The following CDKL3 variants were observed in gnomAD, a reference collection of about 807,000 sequenced individuals.
CDKL3 encodes the protein cyclin-dependent kinase-like 3.
CDKL3 carries 65 observed loss-of-function variants against 69.3 expected under a neutral mutation model. The ratio of observed to expected loss-of-function variants is 0.94; its 90% CI spans 0.77 to 1.15. CDKL3 has a LOEUF of 1.15. Among genes scored for constraint, CDKL3 ranks in the 50% most tolerant of loss-of-function variants. The pLI is 0.00. For missense variants in CDKL3, 652 were observed against 689.2 expected, an observed-to-expected ratio of 0.95 and a Z score of 0.61; for synonymous variants, 202 against 221.6, an observed-to-expected ratio of 0.91 and a Z score of 0.79.
At chr5:134,346,760 T>G (rs765370545) in intron 4 of CDKL3, among the ~76,000 whole-genome samples, 3 of 152,178 alleles carry the variant, frequency 2.0e-5, no homozygotes, top group Non-Finnish European at 4.4e-5. Flanking sequence ...CCTCCCAAAG[T>G]GCTGGGATTA....
At chr5:134,333,980 A>T (rs910427206) in intron 4 of CDKL3, among the ~76,000 whole-genome samples, 2 of 152,096 alleles carry the variant, frequency 1.3e-5, no homozygotes, top group Admixed American at 6.5e-5. Flanking sequence ...TATTGGCTCA[A>T]TTTCAGAACC....
At chr5:134,364,833 G>T (rs1375112973) in intron 2 of CDKL3, among the ~76,000 whole-genome samples, 1 of 149,140 alleles carries the variant, frequency 6.7e-6, no homozygotes, top group African/African-American at 2.5e-5. Context: ...TTGAGATGGA[G>T]TCTCACTCTG....
intron 3 of CDKL3, among the ~76,000 whole-genome samples, chr5:134,354,994 C>G (rs1417295479): frequency 6.6e-6 from 1 of 151,332 alleles, no homozygotes; most frequent in Admixed American, 6.6e-5. Context: ...ATAGCTCATG[C>G]CTATAATCCC....
In CDKL3 at chr5:134,325,721, TA is replaced by T. The variant is rs564057474; in HGVS notation, c.540-3819del. On this transcript the variant is annotated intron_variant, in intron 4 of 12. Coordinates refer to ENST00000265334, the MANE Select transcript of CDKL3 (RefSeq NM_001113575.2). The stretch of plus-strand genomic sequence containing the variant: ...TCTAATAAAGATGACCTTTTGCATT[TA>T]AAAAAAACTCTCAAGCTTTAAGTTA... Among the ~76,000 whole-genome samples, 85 of 151,852 alleles carry T rather than the reference TA, an allele frequency of 5.6e-4. No individual in the cohort carries two copies. In the South Asian group the frequency reaches 6.6e-3, roughly 12 times the overall value.
chr5:134,357,261 C>T (rs1328651885), intron 3 of CDKL3, among the ~76,000 whole-genome samples: 6 of 151,850 alleles, frequency 4.0e-5, no homozygotes, highest in South Asian at 4.2e-4. Flanking sequence ...CTGACCAACA[C>T]GGTGAAACCC....
chr5:134,298,015 C>A (rs112167699), downstream of CDKL3, among the ~76,000 whole-genome samples: 3 of 151,074 alleles, frequency 2.0e-5, no homozygotes, highest in Admixed American at 6.6e-5. Context: ...CTCTCTGCAA[C>A]CTTGGCCTCC....
At chr5:134,304,356 C>A in intron 11 of CDKL3, 49 bp downstream of exon 11, 11 of 1,408,870 alleles carry the variant, frequency 7.8e-6, no homozygotes, top group Non-Finnish European at 1.1e-5. Context: ...ATGAAAAAAT[C>A]TTATAAATGA....
chr5:134,337,244 G>A (rs975240708), intron 4 of CDKL3, among the ~76,000 whole-genome samples: 4 of 152,160 alleles, frequency 2.6e-5, no homozygotes, highest in African/African-American at 9.7e-5. Context: ...GTTCCTCCAG[G>A]TACAGTCACT....
intron 8 of CDKL3, among the ~76,000 whole-genome samples, chr5:134,290,727 G>A (rs974132016): frequency 3.3e-5 from 5 of 151,930 alleles, no homozygotes; most frequent in African/African-American, 1.2e-4. Flanking sequence ...TGTAGAGATG[G>A]GGTCTTGCTA....
At position 134,302,657 on chromosome 5, in the gene CDKL3, G is replaced by A; in HGVS notation, c.1652C>T (p.Ser551Leu). 1 of 1,599,150 alleles carries A rather than the reference G, an allele frequency of 6.3e-7. No homozygotes were observed. Among genetic ancestry groups the A allele is most frequent in the Non-Finnish European group, 8.5e-7 (1 of 1,171,904 alleles). ...VKQIKMLKRESKKTESSKIPT... is the reference protein window; with the variant it reads ...VKQIKMLKRELKKTESSKIPT... Reference sequence around the variant, plus strand: ...TATCTTAGATGACTCTGTTTTCTTTGACTCCCTCTTCAGCATTTTTATCTG... The same window carrying A: ...TATCTTAGATGACTCTGTTTTCTTTAACTCCCTCTTCAGCATTTTTATCTG... Residue 551 changes from serine (S) to leucine (L), a missense_variant, in exon 12 of 13, where the codon TCA (serine) becomes TTA (leucine). Coordinates refer to ENST00000265334, the MANE Select transcript of CDKL3 (RefSeq NM_001113575.2).
At chr5:134,309,273 G>A (rs576020590) in intron 7 of CDKL3, among the ~76,000 whole-genome samples, 8 of 152,114 alleles carry the variant, frequency 5.3e-5, no homozygotes, top group African/African-American at 1.7e-4. Flanking sequence ...GTAGAGACGC[G>A]GTTTCTCCAT....
At chr5:134,332,598 G>A (rs1217116589) in intron 4 of CDKL3, among the ~76,000 whole-genome samples, 2 of 152,116 alleles carry the variant, frequency 1.3e-5, no homozygotes, top group African/African-American at 4.8e-5. Context: ...AAGATCAGAT[G>A]GTTGTAGATG....
intron 6 of CDKL3, among the ~76,000 whole-genome samples, chr5:134,317,880 C>T (rs1199873749): frequency 6.6e-6 from 1 of 151,948 alleles, no homozygotes; most frequent in Non-Finnish European, 1.5e-5. Context: ...TGCATTCTGA[C>T]CTGGGTGAAA....
At chr5:134,324,543 A>G (rs1015017412) in intron 4 of CDKL3, among the ~76,000 whole-genome samples, 27 of 152,344 alleles carry the variant, frequency 1.8e-4, no homozygotes, top group African/African-American at 6.3e-4. Flanking sequence ...AAGATACCAA[A>G]AAAAAAGGAG....
chr5:134,306,906 C>T (rs977735588), intron 9 of CDKL3, among the ~76,000 whole-genome samples: 11 of 152,102 alleles, frequency 7.2e-5, no homozygotes, highest in African/African-American at 2.7e-4. Flanking sequence ...TGGTGTGCTC[C>T]AACATGCCCA....
chr5:134,327,746 A>G (rs1223953396), intron 4 of CDKL3, among the ~76,000 whole-genome samples: 1 of 152,264 alleles, frequency 6.6e-6, no homozygotes, highest in Non-Finnish European at 1.5e-5. Context: ...AACAGTTTGT[A>G]GAGCTATTTA....
intron 4 of CDKL3, among the ~76,000 whole-genome samples, chr5:134,337,322 G>A (rs192242789): frequency 1.7e-3 from 254 of 152,258 alleles, no homozygotes; most frequent in Non-Finnish European, 2.6e-3. Context: ...GTGAGGCGAC[G>A]CCCCTCCCTG....
chr5:134,317,508 C>G (rs1202679663), intron 6 of CDKL3, among the ~76,000 whole-genome samples: 1 of 151,926 alleles, frequency 6.6e-6, no homozygotes, highest in East Asian at 1.9e-4. Context: ...CCTGTGATCC[C>G]AATACTTTCA....
chr5:134,328,783 A>C (rs935270448), intron 4 of CDKL3, among the ~76,000 whole-genome samples: 3 of 152,216 alleles, frequency 2.0e-5, no homozygotes, highest in African/African-American at 7.2e-5. Context: ...TTACAAGAGA[A>C]CTTTGGTAAG....
Sources: gnomAD v4.1 joint callset for allele counts (sites outside exome capture counted in the v4.1 genomes callset) on GRCh38, gnomAD v4.1.1 for gene constraint, MANE v1.5 for transcripts, NCBI Gene and HGNC (gene_info 2026-07-23, HGNC 2026-07-21) for gene names.